Variants in RYR3 observed in about 807,000 individuals in gnomAD.
The protein encoded by RYR3 is ryanodine receptor 3, also known as brain ryanodine receptor-calcium release channel.
A neutral mutation model predicts 584.3 loss-of-function variants in RYR3; 207 were observed. The ratio of observed to expected loss-of-function variants is 0.35; its 90% CI spans 0.32 to 0.40. The LOEUF (loss-of-function observed/expected upper bound fraction) is 0.40, where lower values mean the gene tolerates loss of function less well. Among genes scored for constraint, RYR3 ranks in the 10% least tolerant of loss-of-function variants. The probability of loss-of-function intolerance (pLI) is 1.00; values close to 1 mark genes in which losing one functional copy is unlikely to be tolerated. For synonymous variants in RYR3, 2,416 were observed against 2,248.5 expected, an observed-to-expected ratio of 1.07 and a Z score of -2.11; for missense variants, 5,616 against 6,089.2, an observed-to-expected ratio of 0.92 and a Z score of 2.59.
At chr15:33,759,517 C>G (rs530476324) in intron 60 of RYR3, among the ~76,000 whole-genome samples, 149 of 151,992 alleles carry the variant, frequency 9.8e-4, no homozygotes, top group Non-Finnish European at 1.6e-3. Context: ...TATCAATATC[C>G]AAATCAATCT....
Position 33,821,605 on chromosome 15 carries a change from A to T in RYR3, c.10995+3A>T. ...GAGGCAATGCTGGTGTGCAACAGGT[A>T]ACGGGAACTTGCAGCGGCTGGGCAG... On this transcript the variant is annotated splice_donor_region_variant and intron_variant, in intron 80 of 103. Coordinates refer to ENST00000634891, the MANE Select transcript of RYR3 (RefSeq NM_001036.6). The T allele has an allele frequency of 6.2e-7, 1 of 1,613,826 alleles. No individual in the cohort carries two copies. Among genetic ancestry groups the T allele is most frequent in the Non-Finnish European group, 8.5e-7 (1 of 1,179,838 alleles).
rs138734231 is a variant in RYR3 at position 33,392,398 on chromosome 15, G to A, written c.52-81021G>A. On this transcript the variant is annotated intron_variant, in intron 1 of 103. Transcript: ENST00000634891. ...ATTTGGAAGGATTCCAGGAAGCACC[G>A]TAGGGAAGTGGGGAAGTGAGGAAGA... 4.3e-3 allele frequency among the ~76,000 whole-genome samples: 654 copies of A among 151,398 alleles called. 5 individuals carry two copies. The highest frequency in any genetic ancestry group is 0.015 in the African/African-American group (633 of 41,328).
chr15:33,792,207 GAAATTCA>G (rs2075201859), intron 67 of RYR3, among the ~76,000 whole-genome samples: 1 of 152,146 alleles, frequency 6.6e-6, no homozygotes, highest in African/African-American at 2.4e-5. Flanking sequence ...GGTATGAGAT[GAAATTCA>G]AAACTGGAGA....
At chr15:33,416,658 T>C (rs1394530969) in intron 1 of RYR3, among the ~76,000 whole-genome samples, 1 of 152,222 alleles carries the variant, frequency 6.6e-6, no homozygotes, top group East Asian at 1.9e-4. Flanking sequence ...ACTCTGTTGA[T>C]AGTTTCTTTT....
At chr15:33,537,865 CTCTT>C (rs1302105289) in intron 5 of RYR3, among the ~76,000 whole-genome samples, 5 of 152,094 alleles carry the variant, frequency 3.3e-5, no homozygotes, top group African/African-American at 9.7e-5. Flanking sequence ...AATTTCCTCT[CTCTT>C]TTTCAGTTCT....
intron 1 of RYR3, among the ~76,000 whole-genome samples, chr15:33,341,660 G>T (rs1488599242): frequency 6.6e-6 from 1 of 152,022 alleles, no homozygotes; most frequent in Non-Finnish European, 1.5e-5. Flanking sequence ...AGTGGGTGTT[G>T]TAGGATGTTA....
Position 33,660,324 on chromosome 15 carries a change from T to C in RYR3, c.4523T>C (p.Leu1508Pro). The change falls in exon 34 of 104, where the codon CTG becomes CCG. Residue 1508 changes from leucine (L) to proline (P), a missense_variant. Physicochemically the swap from Leu to Pro is moderately conservative, Grantham distance 98. Transcript: ENST00000634891. ...TGGAGCCGCATGCCCAACAGCTTCC[T>C]GAAGGTGGAGACCGAGCGTGTGAGC... is the stretch of plus-strand genomic sequence containing the variant. ...VLWSRMPNSF[L>P]KVETERVSER... 1 of 1,590,328 alleles carries C rather than the reference T, an allele frequency of 6.3e-7. No individual in the cohort carries two copies. The highest frequency in any genetic ancestry group is 1.2e-5 in the South Asian group (1 of 86,692).
intron 38 of RYR3, among the ~76,000 whole-genome samples, chr15:33,681,349 C>T (rs1448418174): frequency 6.6e-6 from 1 of 152,216 alleles, no homozygotes; most frequent in Non-Finnish European, 1.5e-5. Flanking sequence ...TCTTACGGTT[C>T]TGGAGGTCAC....
intron 43 of RYR3, chr15:33,722,349 A>G (rs1018795748): frequency 4.2e-6 from 1 of 238,366 alleles, no homozygotes; most frequent in South Asian, 7.0e-5. Flanking sequence ...AATAATCTCT[A>G]CAGTACAAAA....
At chr15:33,542,024 AAATT>A (rs2141161289) in intron 7 of RYR3, among the ~76,000 whole-genome samples, 1 of 152,244 alleles carries the variant, frequency 6.6e-6, no homozygotes, top group East Asian at 1.9e-4. Context: ...GGGCTTGTGG[AAATT>A]AATTAAGGAG....
chr15:33,788,956 G>A (rs1011574725), intron 67 of RYR3, among the ~76,000 whole-genome samples: 6 of 152,172 alleles, frequency 3.9e-5, no homozygotes, highest in Non-Finnish European at 7.3e-5. Flanking sequence ...GAATTAGGAG[G>A]GTCAGGGTGG....
intron 19 of RYR3, among the ~76,000 whole-genome samples, chr15:33,621,993 G>C (rs116464274): frequency 0.011 from 1,666 of 152,166 alleles, 35 homozygotes; most frequent in African/African-American, 0.034. Flanking sequence ...CATACACTCA[G>C]TCCATGAGCA....
At chr15:33,688,397 C>A (rs112065752) in intron 38 of RYR3, among the ~76,000 whole-genome samples, 18 of 151,960 alleles carry the variant, frequency 1.2e-4, no homozygotes, top group Non-Finnish European at 2.2e-4. Flanking sequence ...CATGGTGAAA[C>A]CCCGTCTCTA....
chr15:33,683,605 G>T (rs2064786032), intron 38 of RYR3, among the ~76,000 whole-genome samples: 1 of 152,166 alleles, frequency 6.6e-6, no homozygotes, highest in Non-Finnish European at 1.5e-5. Context: ...TCCAGATGAG[G>T]TACCTGGTTC....
At chr15:33,766,951 A>T (rs966046881) in intron 60 of RYR3, among the ~76,000 whole-genome samples, 4 of 152,252 alleles carry the variant, frequency 2.6e-5, no homozygotes, top group African/African-American at 9.6e-5. Flanking sequence ...AACAAGCAGT[A>T]GCCTTTGGAA....
At chr15:33,844,709 T>A in intron 92 of RYR3, 153 bp from the exon 93 acceptor site, 2 of 651,360 alleles carry the variant, frequency 3.1e-6, no homozygotes, top group Non-Finnish European at 5.2e-6. Flanking sequence ...TGATTCCTAG[T>A]AATAAGTCAC....
intron 49 of RYR3, among the ~76,000 whole-genome samples, chr15:33,738,065 C>T (rs1429768734): frequency 6.6e-6 from 1 of 152,114 alleles, no homozygotes; most frequent in Non-Finnish European, 1.5e-5. Context: ...AAAGATCTTC[C>T]AGAATTACAA....
chr15:33,860,462 A>G (rs895003314), intron 100 of RYR3, 133 bp from the exon 101 acceptor site: 4 of 548,328 alleles, frequency 7.3e-6, no homozygotes, highest in African/African-American at 5.7e-5. Context: ...AAGAAACACG[A>G]GTATTATTTT....
rs138831585 is a variant in RYR3, at chr15:33,374,364, A to ATGTGTGTGTG, written c.51+63294_51+63303dup. Among the ~76,000 whole-genome samples, 690 of 145,020 alleles carry ATGTGTGTGTG rather than the reference A, an allele frequency of 4.8e-3. 2 individuals are homozygous for ATGTGTGTGTG. Among genetic ancestry groups the ATGTGTGTGTG allele is most frequent in the Non-Finnish European group, 7.2e-3 (474 of 65,890 alleles). ...TCTGGCTTTCTTCCTGTACGAGTGT[A>ATGTGTGTGTG]TGTGTGTGTGTGTGTGTGTGTGTGT... On this transcript the variant is annotated intron_variant, in intron 1 of 103. Coordinates refer to ENST00000634891, the MANE Select transcript of RYR3 (RefSeq NM_001036.6).
Sources: gnomAD v4.1 joint callset for allele counts (sites outside exome capture counted in the v4.1 genomes callset) on GRCh38, gnomAD v4.1.1 for gene constraint, MANE v1.5 for transcripts, NCBI Gene and HGNC (gene_info 2026-07-23, HGNC 2026-07-21) for gene names.